Variants in SCHIP1 observed in about 807,000 individuals in gnomAD.
SCHIP1 encodes schwannomin interacting protein 1, also known as schwannomin-interacting protein 1.
In SCHIP1, 8 loss-of-function variants were observed where a neutral mutation model predicts 29.7. The observed-to-expected ratio is 0.27, with a 90% confidence interval of 0.16 to 0.49. The LOEUF (loss-of-function observed/expected upper bound fraction) is 0.49, where lower values mean the gene tolerates loss of function less well. Ranked by LOEUF, SCHIP1 falls within the 20% of genes least tolerant of loss-of-function variation. The pLI is 0.99. For missense variants in SCHIP1, 193 were observed against 294.6 expected (o/e 0.66, Z 2.52); for synonymous variants, 76 against 94.9 (o/e 0.80, Z 1.16).
the SCHIP1 span, among the ~76,000 whole-genome samples, chr3:159,439,766 G>T: frequency 6.6e-6 from 1 of 151,176 alleles, no homozygotes. Flanking sequence ...GCTCCTAATA[G>T]ATGCTGGATA....
At chr3:159,871,378 C>G (rs1440758641) in intron 2 of SCHIP1, among the ~76,000 whole-genome samples, 2 of 140,652 alleles carry the variant, frequency 1.4e-5, no homozygotes, top group African/African-American at 2.6e-5. Flanking sequence ...TGGGGGGGGG[C>G]TTATTATAAC....
the SCHIP1 span, among the ~76,000 whole-genome samples, chr3:159,714,121 C>T: frequency 2.6e-5 from 4 of 152,070 alleles, no homozygotes; most frequent in Non-Finnish European, 4.4e-5. Context: ...CCTGTAGCCC[C>T]AGCTACTTGG....
the SCHIP1 span, among the ~76,000 whole-genome samples, chr3:159,716,047 A>G: frequency 1.3e-5 from 2 of 152,226 alleles, no homozygotes; most frequent in Non-Finnish European, 2.9e-5. Flanking sequence ...CTAACAGAGG[A>G]TCTCTCAGCA....
chr3:159,536,603 A>T, the SCHIP1 span, among the ~76,000 whole-genome samples: 2 of 152,104 alleles, frequency 1.3e-5, no homozygotes, highest in African/African-American at 4.8e-5. Context: ...CCAACCCCAA[A>T]AGAGACTGTG....
At chr3:159,806,776 T>C in the SCHIP1 span, among the ~76,000 whole-genome samples, 1 of 152,194 alleles carries the variant, frequency 6.6e-6, no homozygotes, top group Non-Finnish European at 1.5e-5. Flanking sequence ...TAAGACCTGC[T>C]CTGGAGTGGA....
chr3:159,318,655 G>A, the SCHIP1 span, among the ~76,000 whole-genome samples: 1 of 152,208 alleles, frequency 6.6e-6, no homozygotes, highest in African/African-American at 2.4e-5. Context: ...TGCAGGCTGG[G>A]AAAGAGAAGG....
At chr3:159,560,702 G>GC in the SCHIP1 span, among the ~76,000 whole-genome samples, 1 of 147,192 alleles carries the variant, frequency 6.8e-6, no homozygotes, top group Non-Finnish European at 1.5e-5. Flanking sequence ...CTCTCAAGTT[G>GC]CCCCCCTTCA....
At chr3:159,503,010 GC>G in the SCHIP1 span, among the ~76,000 whole-genome samples, 1 of 152,224 alleles carries the variant, frequency 6.6e-6, no homozygotes, top group Admixed American at 6.5e-5. Flanking sequence ...GATAAGTGAT[GC>G]CTTCTCTCCC....
At chr3:159,801,536 T>G in the SCHIP1 span, among the ~76,000 whole-genome samples, 1 of 152,212 alleles carries the variant, frequency 6.6e-6, no homozygotes, top group Non-Finnish European at 1.5e-5. Context: ...TTGTTATCAC[T>G]TTTATGGTAA....
the SCHIP1 span, among the ~76,000 whole-genome samples, chr3:159,577,397 C>A: frequency 6.6e-6 from 1 of 152,084 alleles, no homozygotes; most frequent in Non-Finnish European, 1.5e-5. Flanking sequence ...TTCTGAGCAC[C>A]CAAATGTGTT....
chr3:159,632,435 A>T, the SCHIP1 span, among the ~76,000 whole-genome samples: 4 of 151,554 alleles, frequency 2.6e-5, no homozygotes, highest in Non-Finnish European at 5.9e-5. Context: ...TCTTCCTGGG[A>T]CTCCCTCTCC....
At chr3:159,720,919 T>C in the SCHIP1 span, among the ~76,000 whole-genome samples, 1 of 152,214 alleles carries the variant, frequency 6.6e-6, no homozygotes, top group Non-Finnish European at 1.5e-5. Flanking sequence ...AAGTAAACAT[T>C]CTTTATCTTT....
chr3:159,284,678 GT>G, the SCHIP1 span, among the ~76,000 whole-genome samples: 2 of 151,768 alleles, frequency 1.3e-5, no homozygotes, highest in African/African-American at 2.4e-5. Context: ...TTTTTCTTTA[GT>G]AGAGATTGGG....
the SCHIP1 span, among the ~76,000 whole-genome samples, chr3:159,660,312 CTACCTTTTGCTTTAG>C: frequency 2.6e-5 from 4 of 152,148 alleles, no homozygotes; most frequent in Non-Finnish European, 5.9e-5. Context: ...GCCAATAGAG[CTACCTTTTGCTTTAG>C]TACCTTTTCC....
At chr3:159,455,731 G>T in the SCHIP1 span, among the ~76,000 whole-genome samples, 7 of 152,208 alleles carry the variant, frequency 4.6e-5, no homozygotes, top group Admixed American at 1.3e-4. Context: ...TCACACCACA[G>T]ATGCCTCAAG....
the SCHIP1 span, among the ~76,000 whole-genome samples, chr3:159,341,783 A>G: frequency 2.1e-3 from 322 of 152,238 alleles, 3 homozygotes; most frequent in African/African-American, 7.2e-3. Context: ...CTGTATCTAA[A>G]CCAAAAGTCC....
the SCHIP1 span, among the ~76,000 whole-genome samples, chr3:159,544,575 C>T: frequency 2.0e-5 from 3 of 152,080 alleles, no homozygotes; most frequent in African/African-American, 7.2e-5. Context: ...AATAATATCT[C>T]ATCCATTTAT....
the SCHIP1 span, among the ~76,000 whole-genome samples, chr3:159,342,216 A>T: frequency 1.6e-4 from 25 of 152,172 alleles, no homozygotes; most frequent in Non-Finnish European, 2.9e-4. Flanking sequence ...CAGAAATTTC[A>T]GGCATTTTGA....
chr3:159,341,506 A>G, the SCHIP1 span, among the ~76,000 whole-genome samples: 1 of 152,074 alleles, frequency 6.6e-6, no homozygotes, highest in Non-Finnish European at 1.5e-5. Context: ...TCACAGGGTC[A>G]TGGGATTCCT....
Sources: allele counts gnomAD v4.1 joint callset (sites outside exome capture counted in the v4.1 genomes callset), GRCh38; gene constraint gnomAD v4.1.1; transcripts MANE v1.5; gene names NCBI Gene and HGNC (gene_info 2026-07-23, HGNC 2026-07-21).